ABCA12: variants seen among roughly 807,000 people sequenced by gnomAD.
ABCA12 encodes the protein ATP binding cassette subfamily A member 12.
Under a neutral mutation model 293.5 loss-of-function variants are expected in ABCA12, and 156 were observed. The ratio of observed to expected loss-of-function variants is 0.53; its 90% CI spans 0.47 to 0.61. The LOEUF is 0.61. Ranked by LOEUF, ABCA12 falls within the 20% of genes least tolerant of loss-of-function variation. The pLI is 0.00. For synonymous variants in ABCA12, 1,063 were observed against 1,108.0 expected (o/e 0.96, Z 0.81); for missense variants, 2,797 against 3,090.2 (o/e 0.91, Z 2.25).
At chr2:215,134,287 T>C (rs919719790) in intron 1 of ABCA12, among the ~76,000 whole-genome samples, 3 of 144,066 alleles carry the variant, frequency 2.1e-5, no homozygotes, top group East Asian at 2.0e-4. Flanking sequence ...TGTGTATATA[T>C]GTATATGTAC....
intron 6 of ABCA12, among the ~76,000 whole-genome samples, chr2:215,049,042 T>C (rs1395724261): frequency 1.3e-5 from 2 of 151,972 alleles, no homozygotes; most frequent in African/African-American, 2.4e-5. Flanking sequence ...CAGAAAAAAA[T>C]AACTACTGAG....
chr2:214,974,683 TC>T, intron 35 of ABCA12, 94 bp downstream of exon 35: 1 of 1,199,478 alleles, frequency 8.3e-7, no homozygotes, highest in Non-Finnish European at 1.2e-6. Flanking sequence ...ACAGCTTTCT[TC>T]CAGGCAAATA....
At position 215,064,173 on chromosome 2, in the gene ABCA12, G is replaced by C; in HGVS notation, c.210C>G (p.Phe70Leu). 1 of 1,612,808 alleles carries C rather than the reference G, an allele frequency of 6.2e-7. No homozygotes were observed. Among genetic ancestry groups the C allele is most frequent in the Non-Finnish European group, 8.5e-7 (1 of 1,179,210 alleles). Residue 70 changes from phenylalanine (F) to leucine (L), a missense_variant, in exon 3 of 53, where the codon TTC (phenylalanine) becomes TTG (leucine). Physicochemically the swap from Phe to Leu is conservative, Grantham distance 22. Around this residue, in one of 3 missense-constraint regions of ABCA12, gnomAD observed 656 missense variants for 638.2 expected, o/e 1.03. Coordinates refer to ENST00000272895, the MANE Select transcript of ABCA12 (RefSeq NM_173076.3). ...CTGTGTCACAGAGTAGGGTCTGCAG[G>C]AATGGAAAGAATCCAGTACTAGGAA... is the stretch of plus-strand genomic sequence containing the variant. ...RNLPSTGFFP[F>L]LQTLLCDTDS... is the part of the protein sequence containing the mutation.
At position 214,955,214 on chromosome 2, in the gene ABCA12, C is replaced by T. The variant is rs1559112594; in HGVS notation, c.6381G>A (p.Lys2127=). ...TAAGGGACCTTACCGGATCATTAGG[C>T]TTTTCCTTGGAAAGAAAGTATACCA... ...LSVVYFLSKE[K]PNDPTLELIS... Residue 2127 remains lysine (K), a synonymous_variant, in exon 43 of 53, where the codon AAG becomes AAA. Transcript: ENST00000272895. The T allele has an allele frequency of 6.2e-7, 1 of 1,614,054 alleles. No individual in the cohort carries two copies. The highest frequency in any genetic ancestry group is 1.7e-5 in the Admixed American group (1 of 60,014).
At chr2:215,006,421 T>C (rs528956626) in intron 19 of ABCA12, among the ~76,000 whole-genome samples, 305 of 152,240 alleles carry the variant, frequency 2.0e-3, no homozygotes, top group African/African-American at 7.0e-3. Flanking sequence ...GGGAAGACAT[T>C]TGATGAAAAG....
At chr2:214,980,055 G>C (rs373748737) in intron 31 of ABCA12, among the ~76,000 whole-genome samples, 1 of 152,092 alleles carries the variant, frequency 6.6e-6, no homozygotes, top group Non-Finnish European at 1.5e-5. Flanking sequence ...CTTCATATTC[G>C]TTTTATTTGC....
At chr2:215,006,579 C>T (rs943325830) in intron 19 of ABCA12, among the ~76,000 whole-genome samples, 2 of 151,754 alleles carry the variant, frequency 1.3e-5, no homozygotes, top group Admixed American at 1.3e-4. Flanking sequence ...TTTTTCTGAC[C>T]ATCTCATATC....
chr2:215,091,718 A>T (rs1446974406), intron 2 of ABCA12, among the ~76,000 whole-genome samples: 1 of 152,232 alleles, frequency 6.6e-6, no homozygotes, highest in African/African-American at 2.4e-5. Flanking sequence ...AGAGGCAGCC[A>T]TGTAGCAACG....
chr2:214,944,964 CTGTG>C (rs1313353236), intron 49 of ABCA12, 33 bp downstream of exon 49: 1 of 1,557,420 alleles, frequency 6.4e-7, no homozygotes, highest in East Asian at 2.2e-5. Flanking sequence ...CATCCTAAGA[CTGTG>C]TGGATTCGCT....
In ABCA12 at chr2:214,985,402, G is replaced by A. The variant is rs143928032; in HGVS notation, c.4163+1140C>T. ...GGTAACACCACACAGTGGGGCTTTCGGAGGGTGGAGGGTGGGAGGAAGGAG... is the reference window on the plus strand; with the variant it reads ...GGTAACACCACACAGTGGGGCTTTCAGAGGGTGGAGGGTGGGAGGAAGGAG... On this transcript the variant is annotated intron_variant, in intron 28 of 52. Transcript: ENST00000272895. 7.8e-3 allele frequency among the ~76,000 whole-genome samples: 1,181 copies of A among 152,236 alleles called. 20 individuals carry two copies. Among genetic ancestry groups the A allele is most frequent in the African/African-American group, 0.027 (1,103 of 41,550 alleles).
intron 1 of ABCA12, among the ~76,000 whole-genome samples, chr2:215,130,772 G>A (rs1317050433): frequency 1.3e-5 from 2 of 152,028 alleles, no homozygotes; most frequent in African/African-American, 4.8e-5. Flanking sequence ...GACTTTCAGT[G>A]CTATGTTCAA....
intron 27 of ABCA12, 59 bp from the exon 28 acceptor site, chr2:214,986,787 T>C (rs554426885): frequency 6.8e-7 from 1 of 1,463,596 alleles, no homozygotes; most frequent in African/African-American, 1.4e-5. Context: ...CAGCTAGAGT[T>C]AGACTTTATC....
At chr2:215,039,840 C>T (rs752993989) in intron 7 of ABCA12, among the ~76,000 whole-genome samples, 2 of 151,788 alleles carry the variant, frequency 1.3e-5, no homozygotes, top group Non-Finnish European at 2.9e-5. Context: ...TCCATACATC[C>T]AAAATATTAG....
At chr2:215,010,538 T>C in intron 17 of ABCA12, 68 bp from the exon 18 acceptor site, 1 of 1,539,104 alleles carries the variant, frequency 6.5e-7, no homozygotes, top group Non-Finnish European at 8.9e-7. Context: ...CATGGCAAAT[T>C]GACAGAGATT....
At chr2:215,033,890 G>C (rs745491043) in intron 8 of ABCA12, among the ~76,000 whole-genome samples, 3 of 151,922 alleles carry the variant, frequency 2.0e-5, no homozygotes, top group African/African-American at 4.8e-5. Context: ...GCAGTGAGCC[G>C]AGATCATGCC....
At chr2:215,000,073 A>C (rs1700108880) in intron 22 of ABCA12, among the ~76,000 whole-genome samples, 1 of 152,200 alleles carries the variant, frequency 6.6e-6, no homozygotes, top group Admixed American at 6.5e-5. Context: ...ATTCAGTGCT[A>C]CCCAACTGGC....
intron 50 of ABCA12, among the ~76,000 whole-genome samples, chr2:214,938,109 C>T (rs1698278378): frequency 6.6e-6 from 1 of 151,884 alleles, no homozygotes; most frequent in Admixed American, 6.6e-5. Flanking sequence ...TCCCCTAGCC[C>T]CCCACCCCCC....
chr2:215,009,872 T>C (rs1700334153), intron 18 of ABCA12, among the ~76,000 whole-genome samples: 1 of 152,176 alleles, frequency 6.6e-6, no homozygotes, highest in Admixed American at 6.5e-5. Flanking sequence ...TTATTCGACA[T>C]CTATCTTCTA....
At chr2:215,105,852 G>T (rs952370225) in intron 2 of ABCA12, among the ~76,000 whole-genome samples, 9 of 152,174 alleles carry the variant, frequency 5.9e-5, no homozygotes, top group Non-Finnish European at 1.2e-4. Flanking sequence ...TGGTACTCAT[G>T]AGAATGCAGA....
Sources: gnomAD v4.1 joint callset for allele counts (sites outside exome capture counted in the v4.1 genomes callset) on GRCh38, gnomAD v4.1.1 for gene constraint, gnomAD v4.1.1 regional missense constraint, MANE v1.5 for transcripts, NCBI Gene and HGNC (gene_info 2026-07-23, HGNC 2026-07-21) for gene names.